Variants in ZBBX observed in about 807,000 individuals in gnomAD.
ZBBX encodes zinc finger B-box domain-containing protein 1.
ZBBX carries 101 observed loss-of-function variants against 108.5 expected under a neutral mutation model. The observed-to-expected ratio is 0.93, with a 90% CI of 0.79 to 1.10. The LOEUF is 1.10. ZBBX is among the 50% of genes least tolerant of loss of function. The pLI, the probability that ZBBX is intolerant of heterozygous loss-of-function variation, is 0.00. For missense variants in ZBBX, 1,009 were observed against 941.4 expected, an observed-to-expected ratio of 1.07 and a Z score of -0.94; for synonymous variants, 356 against 323.4, an observed-to-expected ratio of 1.10 and a Z score of -1.08.
intron 6 of ZBBX, among the ~76,000 whole-genome samples, chr3:167,361,018 G>A (rs1744421321): frequency 6.6e-6 from 1 of 151,936 alleles, no homozygotes; most frequent in South Asian, 2.1e-4. Context: ...GAAATTATTT[G>A]CTAGTATTCA....
intron 4 of ZBBX, 105 bp from the exon 5 acceptor site, chr3:167,368,679 A>G: frequency 7.7e-7 from 1 of 1,302,596 alleles, no homozygotes; most frequent in East Asian, 3.0e-5. Context: ...AATAAATAAA[A>G]TATTTTACCT....
intron 15 of ZBBX, 32 bp downstream of exon 15, chr3:167,315,717 AT>A: frequency 1.3e-6 from 2 of 1,488,346 alleles, no homozygotes; most frequent in Non-Finnish European, 1.9e-6. Context: ...AGGGGGCTCA[AT>A]ATGCACACAA....
At chr3:167,267,946 C>A (rs535508743) in intron 20 of ZBBX, among the ~76,000 whole-genome samples, 8 of 151,928 alleles carry the variant, frequency 5.3e-5, no homozygotes, top group Non-Finnish European at 1.2e-4. Context: ...CTTCTCCTTA[C>A]GTTATTCCTC....
intron 2 of ZBBX, among the ~76,000 whole-genome samples, chr3:167,378,271 G>C (rs1191107754): frequency 6.6e-6 from 1 of 152,106 alleles, no homozygotes; most frequent in Non-Finnish European, 1.5e-5. Flanking sequence ...GGTGCTAAAT[G>C]GTACCCAAGT....
intron 20 of ZBBX, among the ~76,000 whole-genome samples, chr3:167,247,625 G>A (rs569055905): frequency 1.3e-5 from 2 of 152,200 alleles, no homozygotes; most frequent in Admixed American, 6.5e-5. Flanking sequence ...GCCCACCGGG[G>A]TTTCCAGAGC....
At chr3:167,381,455 G>T (rs1450386080), upstream of ZBBX, 1 of 152,178 alleles carries the variant, frequency 6.6e-6, no homozygotes, top group African/African-American at 2.4e-5. Context: ...TTAGCTCTAA[G>T]CCAGGCCCAT....
chr3:167,291,572 G>C (rs575906147), intron 18 of ZBBX, among the ~76,000 whole-genome samples: 1 of 152,188 alleles, frequency 6.6e-6, no homozygotes, highest in African/African-American at 2.4e-5. Context: ...ATATGGAAAG[G>C]AACAAATGGT....
At chr3:167,373,899 C>A (rs11924039) in intron 2 of ZBBX, 112 bp from the exon 3 acceptor site, 56,215 of 151,904 alleles carry the variant, frequency 0.37, 11,630 homozygotes, top group East Asian at 0.71. Flanking sequence ...ATAAGTGGAT[C>A]TGCACAGTTC....
At chr3:167,395,730 C>T (rs1449304897) in intron 1 of ZBBX, among the ~76,000 whole-genome samples, 1 of 151,946 alleles carries the variant, frequency 6.6e-6, no homozygotes, top group Non-Finnish European at 1.5e-5. Flanking sequence ...GGATTGAAGG[C>T]TGAGGGTTCC....
chr3:167,329,195 C>A (rs932056507), intron 10 of ZBBX, among the ~76,000 whole-genome samples: 4 of 152,134 alleles, frequency 2.6e-5, no homozygotes, highest in Non-Finnish European at 5.9e-5. Flanking sequence ...GGAAGCTATG[C>A]AGTGAATCAG....
chr3:167,322,260 C>CTTT, intron 11 of ZBBX, 23 bp from the exon 12 acceptor site: 3 of 1,425,012 alleles, frequency 2.1e-6, no homozygotes, highest in Non-Finnish European at 2.8e-6. Flanking sequence ...ACACAATGTG[C>CTTT]ATAATTAAAA....
chr3:167,397,643 AG>A (rs1267196999), intron 1 of ZBBX, among the ~76,000 whole-genome samples: 7 of 151,872 alleles, frequency 4.6e-5, no homozygotes, highest in Non-Finnish European at 8.8e-5. Context: ...AATAAATAAG[AG>A]AGAAAGGCAG....
intron 1 of ZBBX, among the ~76,000 whole-genome samples, chr3:167,387,088 G>A (rs1383872450): frequency 1.3e-5 from 2 of 151,972 alleles, no homozygotes; most frequent in Non-Finnish European, 2.9e-5. Flanking sequence ...CCCATTGTGA[G>A]TTAATATTAC....
chr3:167,215,161 A>G, the ZBBX span, among the ~76,000 whole-genome samples: 1 of 152,268 alleles, frequency 6.6e-6, no homozygotes, highest in Admixed American at 6.5e-5. Flanking sequence ...AAACTGAGAC[A>G]TGAAAAGTAA....
upstream of ZBBX, among the ~76,000 whole-genome samples, chr3:167,382,043 C>G (rs1287140374): frequency 1.3e-5 from 2 of 152,150 alleles, no homozygotes; most frequent in African/African-American, 4.8e-5. Context: ...AATAACTTCT[C>G]CTCACTTCTA....
chr3:167,295,709 G>A (rs1373347405), intron 18 of ZBBX, among the ~76,000 whole-genome samples: 2 of 60,206 alleles, frequency 3.3e-5, no homozygotes, highest in Admixed American at 2.8e-4. Flanking sequence ...CAAAAAATTG[G>A]AATATATATA....
intron 18 of ZBBX, among the ~76,000 whole-genome samples, chr3:167,289,927 T>C (rs914544456): frequency 2.6e-5 from 4 of 152,018 alleles, no homozygotes; most frequent in Non-Finnish European, 4.4e-5. Context: ...TACTGAGGCT[T>C]GAGAGGGTGG....
intron 17 of ZBBX, among the ~76,000 whole-genome samples, chr3:167,303,710 G>C (rs1733114997): frequency 6.6e-6 from 1 of 152,156 alleles, no homozygotes; most frequent in African/African-American, 2.4e-5. Flanking sequence ...GTTCCACTGT[G>C]TTACACTGTT....
At chr3:167,243,201 TAAAC>T (rs1463498035) in intron 20 of ZBBX, among the ~76,000 whole-genome samples, 2 of 152,316 alleles carry the variant, frequency 1.3e-5, no homozygotes, top group South Asian at 2.1e-4. Flanking sequence ...TACTGCAAGT[TAAAC>T]AAACAAAGTC....
Sources: allele counts gnomAD v4.1 joint callset (sites outside exome capture counted in the v4.1 genomes callset), GRCh38; gene constraint gnomAD v4.1.1; transcripts MANE v1.5; gene names NCBI Gene and HGNC (gene_info 2026-07-23, HGNC 2026-07-21).